The following STS variants were observed in gnomAD, a reference collection of about 807,000 sequenced individuals.
STS encodes steryl-sulfatase.
Under a neutral mutation model 26.8 loss-of-function variants are expected in STS, and 7 were observed. The observed-to-expected ratio is 0.26, with a 90% CI of 0.15 to 0.49. STS has a LOEUF of 0.49. Among genes scored for constraint, STS ranks in the 20% least tolerant of loss-of-function variants. STS has a pLI of 0.98. For synonymous variants in STS, 199 were observed against 189.4 expected (o/e 1.05, Z -0.42); for missense variants, 434 against 465.6 (o/e 0.93, Z 0.63).
At chrX:7,188,293 G>A (rs771003169) in intron 1 of STS, among the ~76,000 whole-genome samples, 1 of 111,169 alleles carries the variant, frequency 9.0e-6, no homozygotes, top group Non-Finnish European at 1.9e-5. Context: ...GTTGACACTT[G>A]GGAGAAGACC....
chrX:7,322,899 C>G (rs1262116785), intron 8 of STS, among the ~76,000 whole-genome samples: 2 of 112,162 alleles, frequency 1.8e-5, no homozygotes, highest in African/African-American at 6.5e-5. Flanking sequence ...CCCTTCCTGC[C>G]TCTGCCGGTA....
At chrX:7,174,989 T>C (rs1384826194) in intron 1 of STS, among the ~76,000 whole-genome samples, 1 of 110,791 alleles carries the variant, frequency 9.0e-6, no homozygotes, top group Non-Finnish European at 1.9e-5. Flanking sequence ...GAACTTCTTT[T>C]CGAAGGTCAG....
intron 8 of STS, among the ~76,000 whole-genome samples, chrX:7,321,904 C>G (rs1382834534): frequency 8.9e-6 from 1 of 111,857 alleles, no homozygotes; most frequent in African/African-American, 3.3e-5. Flanking sequence ...ACCTGCCCAG[C>G]TGGAGTGACC....
intron 10 of STS, among the ~76,000 whole-genome samples, chrX:7,344,829 G>A (rs1187487138): frequency 9.0e-6 from 1 of 111,430 alleles, no homozygotes; most frequent in African/African-American, 3.3e-5. Context: ...TGCGCGCAGT[G>A]TCTTTACTTG....
chrX:7,182,218 G>T (rs775529847), intron 1 of STS, among the ~76,000 whole-genome samples: 1 of 111,830 alleles, frequency 8.9e-6, no homozygotes, highest in African/African-American at 3.2e-5. Flanking sequence ...CACAGTGGTT[G>T]CCAGAAAGAG....
intron 7 of STS, among the ~76,000 whole-genome samples, chrX:7,296,459 A>G (rs1298355793): frequency 1.8e-5 from 2 of 112,229 alleles, no homozygotes; most frequent in African/African-American, 3.2e-5. Context: ...CTGAATGCCC[A>G]TGGCTCAGGG....
chrX:7,283,006 C>T (rs1454732454), intron 7 of STS, among the ~76,000 whole-genome samples: 1 of 112,156 alleles, frequency 8.9e-6, no homozygotes, highest in African/African-American at 3.2e-5. Context: ...CATGTCTTTA[C>T]TTCTCAAAAC....
chrX:7,237,460 A>T (rs1277834637), intron 2 of STS, among the ~76,000 whole-genome samples: 1 of 111,906 alleles, frequency 8.9e-6, no homozygotes, highest in Non-Finnish European at 1.9e-5. Context: ...TCAACATAGT[A>T]TTTTAAAGTT....
In STS at chrX:7,181,052, C is replaced by T. The variant is rs183270557; in HGVS notation, c.-133-9828C>T. ...CCCTTCTTGTTTTGGTAGGCAGGGCCGCTATGTCTGCTCACCAGGGAATAT... is the reference window on the plus strand; with the variant it reads ...CCCTTCTTGTTTTGGTAGGCAGGGCTGCTATGTCTGCTCACCAGGGAATAT... On this transcript the variant is annotated intron_variant, in intron 1 of 10. Coordinates refer to ENST00000674429, the MANE Select transcript of STS (RefSeq NM_001320752.2). 9.8e-5 allele frequency among the ~76,000 whole-genome samples: 11 copies of T among 111,953 alleles called. No individual in the cohort carries two copies. The East Asian group carries it at 2.3e-3, about 23-fold the overall frequency.
intron 9 of STS, among the ~76,000 whole-genome samples, chrX:7,330,339 C>T (rs1357882245): frequency 3.6e-5 from 4 of 111,719 alleles, no homozygotes; most frequent in Admixed American, 9.5e-5. Context: ...AAGGTATTAA[C>T]ATCAGTAATA....
intron 6 of STS, among the ~76,000 whole-genome samples, chrX:7,275,046 A>G (rs1924462747): frequency 9.0e-6 from 1 of 111,566 alleles, no homozygotes; most frequent in Admixed American, 9.5e-5. Flanking sequence ...ACAGAAAGAC[A>G]AATACTGCAA....
chrX:7,342,662 G>T (rs1196094928), intron 10 of STS, among the ~76,000 whole-genome samples: 8 of 112,288 alleles, frequency 7.1e-5, no homozygotes, highest in Non-Finnish European at 9.4e-5. Context: ...TACTGTCATC[G>T]ATTATATATC....
At chrX:7,221,991 A>G (rs765538978) in intron 2 of STS, among the ~76,000 whole-genome samples, 38 of 111,479 alleles carry the variant, frequency 3.4e-4, no homozygotes, top group African/African-American at 1.2e-3. Flanking sequence ...TGAAGGTGGA[A>G]ACTCATGAAT....
At chrX:7,338,577 A>G (rs1315679343) in intron 10 of STS, among the ~76,000 whole-genome samples, 3 of 111,839 alleles carry the variant, frequency 2.7e-5, no homozygotes, top group Non-Finnish European at 5.6e-5. Context: ...CAATACCATT[A>G]TTTCCCTAGG....
chrX:7,335,713 G>A (rs1398834602), intron 10 of STS, among the ~76,000 whole-genome samples: 16 of 111,879 alleles, frequency 1.4e-4, no homozygotes, highest in African/African-American at 4.9e-4. Flanking sequence ...TATTGCCTAG[G>A]TTTTCTTCTA....
At chrX:7,184,145 C>G (rs976579024) in intron 1 of STS, among the ~76,000 whole-genome samples, 2 of 112,452 alleles carry the variant, frequency 1.8e-5, no homozygotes, top group Admixed American at 9.4e-5. Flanking sequence ...AAACTATCCC[C>G]AATGCACAAC....
At chrX:7,195,633 C>T (rs1156803119) in intron 2 of STS, among the ~76,000 whole-genome samples, 4 of 112,629 alleles carry the variant, frequency 3.6e-5, no homozygotes, top group Non-Finnish European at 3.7e-5. Flanking sequence ...GCTATCTTTA[C>T]ATCCACTCTA....
At chrX:7,318,098 T>A (rs1295892667) in intron 8 of STS, among the ~76,000 whole-genome samples, 2 of 111,925 alleles carry the variant, frequency 1.8e-5, no homozygotes, top group African/African-American at 6.5e-5. Context: ...AGAGTCATGG[T>A]GAGAATCAAG....
chrX:7,192,254 T>A (rs1188771062), intron 2 of STS, among the ~76,000 whole-genome samples: 2 of 111,795 alleles, frequency 1.8e-5, no homozygotes, highest in Non-Finnish European at 3.8e-5. Context: ...TGCCTTAGTT[T>A]CCTCCTTTGT....
Sources: gnomAD v4.1 joint callset for allele counts (sites outside exome capture counted in the v4.1 genomes callset) on GRCh38, gnomAD v4.1.1 for gene constraint, MANE v1.5 for transcripts, NCBI Gene and HGNC (gene_info 2026-07-23, HGNC 2026-07-21) for gene names.